The following SLC44A1 variants were observed in gnomAD, a reference collection of about 807,000 sequenced individuals.
SLC44A1 encodes solute carrier family 44 member 1.
Under a neutral mutation model 79.3 loss-of-function variants are expected in SLC44A1, and 26 were observed. The ratio of observed to expected loss-of-function variants is 0.33; its 90% CI spans 0.24 to 0.46. The LOEUF is 0.46. SLC44A1 is among the 20% of genes least tolerant of loss of function. The pLI, the probability that SLC44A1 is intolerant of heterozygous loss-of-function variation, is 1.00. For missense variants in SLC44A1, 688 were observed against 798.1 expected (o/e 0.86, Z 1.66); for synonymous variants, 263 against 286.2 (o/e 0.92, Z 0.82).
intron 15 of SLC44A1, among the ~76,000 whole-genome samples, chr9:105,419,542 A>G (rs1298335200): frequency 6.6e-6 from 1 of 152,236 alleles, no homozygotes; most frequent in Non-Finnish European, 1.5e-5. Context: ...ACTTACAGGT[A>G]TAGCCAACTG....
intron 15 of SLC44A1, among the ~76,000 whole-genome samples, chr9:105,421,057 C>T (rs1379589431): frequency 6.6e-6 from 1 of 151,968 alleles, no homozygotes; most frequent in Non-Finnish European, 1.5e-5. Flanking sequence ...ATAGGTTTAA[C>T]CGTATCATAT....
chr9:105,392,401 CTCTTTTTTTTTTT>C lies in SLC44A1; in HGVS notation c.*3347_*3359del, dbSNP rs1277236739. 7.2e-4 allele frequency: 231 copies of C among 319,076 alleles called. 1 individual carries two copies. The African/African-American group carries it at 7.5e-3, about 10-fold the overall frequency. 19.8% of individuals were successfully genotyped at this position (319,076 alleles called of 1,614,324 possible). A position where few individuals can be genotyped will look rare whatever the true frequency, so the allele number is the denominator to read the frequency against. ...TTGTAGAGATGCTCTCTCTCTCTCT[CTCTTTTTTTTTTT>C]TTTTTTTTTTTTTTTTCCGTGAGGG... On this transcript the variant is annotated 3_prime_UTR_variant, in exon 16 of 16. Coordinates refer to ENST00000374720, the MANE Select transcript of SLC44A1 (RefSeq NM_080546.5).
chr9:105,359,906 C>A (rs1252460411), intron 7 of SLC44A1, among the ~76,000 whole-genome samples: 1 of 152,130 alleles, frequency 6.6e-6, no homozygotes, highest in Non-Finnish European at 1.5e-5. Flanking sequence ...TGCCTTTGAT[C>A]TCATTAACTC....
At chr9:105,314,100 C>G (rs1193817871) in intron 3 of SLC44A1, among the ~76,000 whole-genome samples, 1 of 152,088 alleles carries the variant, frequency 6.6e-6, no homozygotes, top group Non-Finnish European at 1.5e-5. Flanking sequence ...AGAGAGGAAG[C>G]TCGCTGTCTT....
Position 105,397,091 on chromosome 9 carries a change from TG to T in SLC44A1, c.*8036del. ...TTCTGGAGTTGGAGTTATCAAATCT[TG>T]CTGGGAAATTAACTTCCAAGAGCTC... On this transcript the variant is annotated 3_prime_UTR_variant, in exon 16 of 16. Coordinates refer to ENST00000374720, the MANE Select transcript of SLC44A1 (RefSeq NM_080546.5). The T allele has an allele frequency of 1.0e-6, 1 of 985,430 alleles. No individual in the cohort carries two copies. The highest frequency in any genetic ancestry group is 1.2e-6 in the Non-Finnish European group (1 of 829,928). 61.0% of individuals were successfully genotyped at this position (985,430 alleles called of 1,614,324 possible).
chr9:105,298,957 C>CT (rs1452819738), intron 1 of SLC44A1, among the ~76,000 whole-genome samples: 1 of 152,048 alleles, frequency 6.6e-6, no homozygotes, highest in African/African-American at 2.4e-5. Flanking sequence ...GCTAAAAACT[C>CT]TAATACAGGT....
intron 15 of SLC44A1, among the ~76,000 whole-genome samples, chr9:105,420,356 C>T (rs975720788): frequency 6.6e-6 from 1 of 152,058 alleles, no homozygotes; most frequent in Non-Finnish European, 1.5e-5. Flanking sequence ...AAAATGTCGG[C>T]GTTCTCTTGG....
chr9:105,438,193 C>A, intron 15 of SLC44A1: 2 of 1,074,472 alleles, frequency 1.9e-6, no homozygotes, highest in South Asian at 2.7e-5. Flanking sequence ...TAAAGACGAT[C>A]CCACACTATT....
At chr9:105,349,330 G>A (rs1827334849) in intron 5 of SLC44A1, among the ~76,000 whole-genome samples, 1 of 152,086 alleles carries the variant, frequency 6.6e-6, no homozygotes, top group Admixed American at 6.5e-5. Context: ...ATAGGAAGCT[G>A]TTGTATAAAA....
At chr9:105,278,993 G>A (rs1324882265) in intron 1 of SLC44A1, among the ~76,000 whole-genome samples, 1 of 152,078 alleles carries the variant, frequency 6.6e-6, no homozygotes, top group Non-Finnish European at 1.5e-5. Context: ...GCTTGTCAAA[G>A]AAACTGCAGC....
intron 10 of SLC44A1, 32 bp downstream of exon 10, chr9:105,364,752 T>C: frequency 6.3e-7 from 1 of 1,575,740 alleles, no homozygotes; most frequent in Non-Finnish European, 8.7e-7. Context: ...AAAACTCGAG[T>C]TCATCTAAGG....
chr9:105,437,117 G>A (rs1393655751), intron 15 of SLC44A1, among the ~76,000 whole-genome samples: 3 of 151,982 alleles, frequency 2.0e-5, no homozygotes, highest in Admixed American at 2.0e-4. Context: ...ATCCTAATGG[G>A]GCTTTTTTAT....
intron 15 of SLC44A1, among the ~76,000 whole-genome samples, chr9:105,436,024 C>G (rs947136350): frequency 7.2e-5 from 11 of 152,238 alleles, no homozygotes; most frequent in African/African-American, 2.6e-4. Flanking sequence ...ATGGCAAAAC[C>G]CCATCTCTAC....
At chr9:105,433,943 G>A (rs540669615) in intron 15 of SLC44A1, among the ~76,000 whole-genome samples, 88 of 152,256 alleles carry the variant, frequency 5.8e-4, no homozygotes, top group Admixed American at 2.5e-3. Context: ...AAAACAAAGA[G>A]AAAGACAACA....
intron 15 of SLC44A1, among the ~76,000 whole-genome samples, chr9:105,421,836 C>T (rs1829254983): frequency 6.6e-6 from 1 of 152,176 alleles, no homozygotes; most frequent in African/African-American, 2.4e-5. Flanking sequence ...ATCCACCCGC[C>T]TCGGCCTCCC....
intron 3 of SLC44A1, among the ~76,000 whole-genome samples, chr9:105,310,699 T>TATGTA (rs1247411603): frequency 1.3e-5 from 2 of 152,204 alleles, no homozygotes; most frequent in Non-Finnish European, 2.9e-5. Flanking sequence ...AGGAAGGTGG[T>TATGTA]ATGTAATAAC....
intron 3 of SLC44A1, among the ~76,000 whole-genome samples, chr9:105,318,459 C>T (rs796545847): frequency 4.6e-5 from 7 of 152,276 alleles, no homozygotes; most frequent in African/African-American, 1.7e-4. Flanking sequence ...GGATTATAGG[C>T]GTGAGCCACT....
intron 9 of SLC44A1, 90 bp from the exon 10 acceptor site, chr9:105,364,465 G>T: frequency 9.7e-7 from 1 of 1,028,658 alleles, no homozygotes; most frequent in Non-Finnish European, 1.4e-6. Flanking sequence ...TTGTGGCTTG[G>T]GGTAGGGACC....
Position 105,304,964 on chromosome 9 carries a change from T to G in SLC44A1, c.127-4760T>G, listed in dbSNP as rs866753543. 4.2e-3 allele frequency among the ~76,000 whole-genome samples: 479 copies of G among 114,434 alleles called. 2 individuals carry two copies. The highest frequency in any genetic ancestry group is 0.016 in the African/African-American group (439 of 27,654). 75.1% of individuals were successfully genotyped at this position (114,434 alleles called of 152,430 possible). A position where few individuals can be genotyped will look rare whatever the true frequency, so the allele number is the denominator to read the frequency against. On this transcript the variant is annotated intron_variant, in intron 2 of 15. Transcript: ENST00000374720. The stretch of plus-strand genomic sequence containing the variant: ...CTATCGTTTTTTTTTTTTTTTTTTT[T>G]TTTTTTTTTTTTTTTTTTTTTTCAG...
Sources: allele counts gnomAD v4.1 joint callset (sites outside exome capture counted in the v4.1 genomes callset), GRCh38; gene constraint gnomAD v4.1.1; transcripts MANE v1.5; gene names NCBI Gene and HGNC (gene_info 2026-07-23, HGNC 2026-07-21).